Variants in VRK2 observed in about 807,000 individuals in gnomAD.
VRK2 encodes the protein VRK serine/threonine kinase 2.
A neutral mutation model predicts 57.6 loss-of-function variants in VRK2; 60 were observed. The ratio of observed to expected loss-of-function variants is 1.04; its 90% CI spans 0.85 to 1.29. The LOEUF is 1.29. Among genes scored for constraint, VRK2 ranks in the 50% most tolerant of loss-of-function variants. VRK2 has a pLI of 0.00. For synonymous variants in VRK2, 231 were observed against 199.2 expected (o/e 1.16, Z -1.35); for missense variants, 705 against 588.1 (o/e 1.20, Z -2.06).
chr2:58,138,879 A>G (rs1031423225), intron 10 of VRK2, among the ~76,000 whole-genome samples: 2 of 152,222 alleles, frequency 1.3e-5, no homozygotes, highest in Admixed American at 1.3e-4. Flanking sequence ...GAACCTCAAC[A>G]TGAAACAGAA....
At chr2:57,938,389 G>A (rs1670985185) in intron 1 of VRK2, among the ~76,000 whole-genome samples, 1 of 152,152 alleles carries the variant, frequency 6.6e-6, no homozygotes, top group Non-Finnish European at 1.5e-5. Context: ...TTATAACCCA[G>A]TGGAAGAAAA....
intron 8 of VRK2, among the ~76,000 whole-genome samples, chr2:58,130,543 G>A (rs1476352835): frequency 6.6e-6 from 1 of 152,192 alleles, no homozygotes; most frequent in East Asian, 1.9e-4. Context: ...GAGTGTAAGA[G>A]CTAATCATGT....
intron 1 of VRK2, among the ~76,000 whole-genome samples, chr2:57,941,236 G>A (rs1671083748): frequency 6.6e-6 from 1 of 152,098 alleles, no homozygotes; most frequent in Admixed American, 6.5e-5. Flanking sequence ...AGCACACAGT[G>A]ACCTCAACTA....
At chr2:58,005,177 A>AT (rs889466056) in intron 1 of VRK2, among the ~76,000 whole-genome samples, 15 of 152,164 alleles carry the variant, frequency 9.9e-5, no homozygotes, top group African/African-American at 3.6e-4. Context: ...GCCTGTAGGG[A>AT]TTTATATGCA....
chr2:58,125,825 G>A (rs1176136447), intron 8 of VRK2, among the ~76,000 whole-genome samples: 1 of 151,986 alleles, frequency 6.6e-6, no homozygotes. Context: ...TTAATGTGAA[G>A]TTTTAGTCTG....
At chr2:58,132,304 C>T (rs1385841080) in intron 9 of VRK2, among the ~76,000 whole-genome samples, 1 of 152,116 alleles carries the variant, frequency 6.6e-6, no homozygotes, top group African/African-American at 2.4e-5. Flanking sequence ...TAAAACAGCA[C>T]TATGAAATGG....
At chr2:58,095,010 C>T (rs909839380) in intron 7 of VRK2, among the ~76,000 whole-genome samples, 1 of 152,106 alleles carries the variant, frequency 6.6e-6, no homozygotes, top group Non-Finnish European at 1.5e-5. Context: ...AAAAGGAATA[C>T]TTGTGCTGGG....
chr2:58,043,149 C>T (rs1449379899), upstream of VRK2, among the ~76,000 whole-genome samples: 7 of 152,060 alleles, frequency 4.6e-5, no homozygotes, highest in South Asian at 8.3e-4. Context: ...AAGATTTTGG[C>T]TGCAAGAAAT....
chr2:58,122,494 G>T (rs892271839), intron 7 of VRK2, among the ~76,000 whole-genome samples: 2 of 152,190 alleles, frequency 1.3e-5, no homozygotes, highest in African/African-American at 4.8e-5. Flanking sequence ...TCATAAGGAA[G>T]AGAAAATATA....
intron 1 of VRK2, among the ~76,000 whole-genome samples, chr2:57,936,305 T>G (rs1467580280): frequency 1.3e-5 from 2 of 152,206 alleles, no homozygotes; most frequent in Non-Finnish European, 2.9e-5. Context: ...ATAATTTCTC[T>G]TGAACCTTAT....
intron 1 of VRK2, among the ~76,000 whole-genome samples, chr2:57,962,482 C>T (rs148861873): frequency 1.1e-4 from 17 of 152,098 alleles, no homozygotes; most frequent in African/African-American, 3.6e-4. Flanking sequence ...GTAAACTGTA[C>T]GTCACAGAAG....
In VRK2 at chr2:58,159,783, C is replaced by T; in HGVS notation, c.*90C>T. The T allele has an allele frequency of 3.1e-6, 5 of 1,613,104 alleles. No homozygotes were observed. The highest frequency in any genetic ancestry group is 3.4e-6 in the Non-Finnish European group (4 of 1,179,572). On this transcript the variant is annotated 3_prime_UTR_variant, in exon 13 of 13. Transcript: ENST00000340157. Reference sequence around the variant, plus strand: ...TCTTATTTCAGTGTTTCCTTCCAGACATTTTTAAGGTAATTGGCTTTAAAA... The same window carrying T: ...TCTTATTTCAGTGTTTCCTTCCAGATATTTTTAAGGTAATTGGCTTTAAAA...
At chr2:57,983,202 C>G (rs1672486758) in intron 1 of VRK2, among the ~76,000 whole-genome samples, 1 of 152,184 alleles carries the variant, frequency 6.6e-6, no homozygotes, top group South Asian at 2.1e-4. Flanking sequence ...GTGGGTGAAG[C>G]TCTTCCTGGC....
chr2:58,149,313 C>T, intron 12 of VRK2, among the ~76,000 whole-genome samples: 1 of 151,638 alleles, frequency 6.6e-6, no homozygotes, highest in Non-Finnish European at 1.5e-5. Context: ...TTATTTGTTG[C>T]TGGTATATAG....
intron 3 of VRK2, among the ~76,000 whole-genome samples, chr2:58,040,328 A>T (rs1278328456): frequency 6.6e-6 from 1 of 152,218 alleles, no homozygotes; most frequent in Non-Finnish European, 1.5e-5. Flanking sequence ...CAGAAGGGGA[A>T]GTCAGGAAGA....
At chr2:57,980,622 C>T (rs948872575) in intron 1 of VRK2, among the ~76,000 whole-genome samples, 1 of 152,170 alleles carries the variant, frequency 6.6e-6, no homozygotes, top group African/African-American at 2.4e-5. Context: ...TTGTCCAACA[C>T]TGTCAATTTG....
rs184771204 is a variant in VRK2, at chr2:58,048,380, C to T, written c.-5-447C>T. 5.0e-5 allele frequency: 18 copies of T among 356,470 alleles called. No individual in the cohort carries two copies. The Admixed American group carries it at 7.2e-4, about 14-fold the overall frequency. 22.1% of individuals were successfully genotyped at this position (356,470 alleles called of 1,614,324 possible). A position where few individuals can be genotyped will look rare whatever the true frequency, so the allele number is the denominator to read the frequency against. On this transcript the variant is annotated intron_variant, in intron 1 of 12. Coordinates refer to ENST00000340157, the MANE Select transcript of VRK2 (RefSeq NM_006296.7). ...AGATGTCCATTGCCATTGTCTGTGT[C>T]TTCCCAATCCAATCCTGTGTTCTTT...
At chr2:58,100,369 C>G (rs1172056551) in intron 7 of VRK2, among the ~76,000 whole-genome samples, 1 of 151,844 alleles carries the variant, frequency 6.6e-6, no homozygotes, top group Non-Finnish European at 1.5e-5. Flanking sequence ...ACTGTAATAT[C>G]TGTATTTCAT....
intron 1 of VRK2, among the ~76,000 whole-genome samples, chr2:57,965,724 G>A (rs775695205): frequency 1.2e-3 from 182 of 152,202 alleles, no homozygotes; most frequent in Non-Finnish European, 1.9e-3. Flanking sequence ...GCTACCTCAC[G>A]TTCAGCTTAT....
Sources: allele counts gnomAD v4.1 joint callset (sites outside exome capture counted in the v4.1 genomes callset), GRCh38; gene constraint gnomAD v4.1.1; transcripts MANE v1.5; gene names NCBI Gene and HGNC (gene_info 2026-07-23, HGNC 2026-07-21).